Variants in RNF220 observed in about 807,000 individuals in gnomAD.
RNF220 encodes E3 ubiquitin-protein ligase RNF220.
In RNF220, 7 loss-of-function variants were observed where a neutral mutation model predicts 67.1. The observed-to-expected ratio is 0.10, with a 90% CI of 0.06 to 0.20. RNF220 has a LOEUF of 0.20. Among genes scored for constraint, RNF220 ranks in the 10% least tolerant of loss-of-function variants. The pLI is 1.00. For missense variants in RNF220, 565 were observed against 740.3 expected (o/e 0.76, Z 2.75); for synonymous variants, 270 against 283.2 (o/e 0.95, Z 0.47).
At chr1:44,604,501 C>T (rs1221462300) in intron 2 of RNF220, among the ~76,000 whole-genome samples, 1 of 152,242 alleles carries the variant, frequency 6.6e-6, no homozygotes, top group Non-Finnish European at 1.5e-5. Context: ...CCTGAAGCCC[C>T]GCCAGTCTCT....
At chr1:44,625,026 T>TGAGA (rs71665956) in intron 4 of RNF220, among the ~76,000 whole-genome samples, 2,632 of 147,432 alleles carry the variant, frequency 0.018, 39 homozygotes, top group South Asian at 0.052. Context: ...CTAGAGAGAA[T>TGAGA]GAGAGAGAGA....
chr1:44,512,701 A>T (rs1659109468), intron 2 of RNF220, among the ~76,000 whole-genome samples: 1 of 152,230 alleles, frequency 6.6e-6, no homozygotes, highest in South Asian at 2.1e-4. Flanking sequence ...TGGCTAAGTG[A>T]CGACGGAGGC....
chr1:44,430,021 TA>T (rs1204449850), intron 2 of RNF220, among the ~76,000 whole-genome samples: 3 of 148,394 alleles, frequency 2.0e-5, no homozygotes, highest in Non-Finnish European at 4.5e-5. Context: ...ACATAGTGGT[TA>T]AAAAAATGAG....
intron 2 of RNF220, among the ~76,000 whole-genome samples, chr1:44,490,530 G>T (rs72895533): frequency 0.071 from 10,739 of 150,678 alleles, 845 homozygotes; most frequent in African/African-American, 0.19. Flanking sequence ...AATAGAAATT[G>T]GTACCTTTAA....
At chr1:44,482,151 A>G (rs528771916) in intron 2 of RNF220, among the ~76,000 whole-genome samples, 3 of 152,358 alleles carry the variant, frequency 2.0e-5, no homozygotes, top group African/African-American at 7.2e-5. Flanking sequence ...AAAGTTTCTC[A>G]ACTTACAAGT....
chr1:44,428,424 A>G (rs1650017409), intron 2 of RNF220, among the ~76,000 whole-genome samples: 1 of 152,184 alleles, frequency 6.6e-6, no homozygotes, highest in Admixed American at 6.5e-5. Context: ...CAATTTTCTA[A>G]TAACTTACAT....
At chr1:44,564,176 G>C (rs955726045) in intron 2 of RNF220, among the ~76,000 whole-genome samples, 3 of 152,130 alleles carry the variant, frequency 2.0e-5, no homozygotes, top group Non-Finnish European at 4.4e-5. Context: ...GTTAAAAATA[G>C]CTATCAGAGA....
At chr1:44,599,241 GATAA>G (rs1340235024) in intron 2 of RNF220, among the ~76,000 whole-genome samples, 1 of 152,104 alleles carries the variant, frequency 6.6e-6, no homozygotes, top group Non-Finnish European at 1.5e-5. Flanking sequence ...AGACAAGACA[GATAA>G]ATAAATAATT....
intron 2 of RNF220, among the ~76,000 whole-genome samples, chr1:44,540,528 G>A (rs1661592380): frequency 6.6e-6 from 1 of 152,116 alleles, no homozygotes; most frequent in African/African-American, 2.4e-5. Flanking sequence ...AAAATTTTGT[G>A]TTGTTGCGTT....
intron 2 of RNF220, among the ~76,000 whole-genome samples, chr1:44,531,631 A>G (rs2148192167): frequency 6.6e-6 from 1 of 152,278 alleles, no homozygotes; most frequent in Non-Finnish European, 1.5e-5. Context: ...AAGATTTCTG[A>G]CTTTTCCCTT....
At chr1:44,615,112 A>G (rs1333131382) in intron 3 of RNF220, among the ~76,000 whole-genome samples, 2 of 152,074 alleles carry the variant, frequency 1.3e-5, no homozygotes, top group African/African-American at 4.8e-5. Context: ...CTGAGGCTGG[A>G]ATCAAAGCAC....
Position 44,637,327 on chromosome 1 carries a change from C to T in RNF220, c.1126+1165C>T, listed in dbSNP as rs138171034. Among the ~76,000 whole-genome samples the T allele has an allele frequency of 3.6e-3, 553 of 152,362 alleles. 5 individuals carry two copies. The highest frequency in any genetic ancestry group is 0.012 in the African/African-American group (489 of 41,580). Reference sequence around the variant, plus strand: ...ACATAAATCAGGAAGGTTAGTCAGACCAAACAGTCTCCCTGAGCCGGAGCT... The same window carrying T: ...ACATAAATCAGGAAGGTTAGTCAGATCAAACAGTCTCCCTGAGCCGGAGCT... On this transcript the variant is annotated intron_variant, in intron 8 of 14. Coordinates refer to ENST00000361799, the MANE Select transcript of RNF220 (RefSeq NM_018150.4).
intron 2 of RNF220, among the ~76,000 whole-genome samples, chr1:44,430,093 T>C (rs1650202766): frequency 6.6e-6 from 1 of 150,590 alleles, no homozygotes; most frequent in Non-Finnish European, 1.5e-5. Context: ...AAAAACCTCA[T>C]AGAAAAAAAG....
intron 2 of RNF220, among the ~76,000 whole-genome samples, chr1:44,474,024 G>T (rs4660806): frequency 0.12 from 18,191 of 151,746 alleles, 1,848 homozygotes; most frequent in African/African-American, 0.28. Flanking sequence ...CACAGATTCC[G>T]CATCCACAGA....
At chr1:44,525,119 A>G (rs1036545252) in intron 2 of RNF220, among the ~76,000 whole-genome samples, 2 of 152,104 alleles carry the variant, frequency 1.3e-5, no homozygotes, top group Non-Finnish European at 2.9e-5. Flanking sequence ...TCTGGAAAAG[A>G]AAAAAAATCT....
At chr1:44,484,024 T>C (rs550910939) in intron 2 of RNF220, among the ~76,000 whole-genome samples, 1 of 152,314 alleles carries the variant, frequency 6.6e-6, no homozygotes, top group East Asian at 1.9e-4. Flanking sequence ...AATAACTGTT[T>C]CCCAGCCTTG....
intron 2 of RNF220, among the ~76,000 whole-genome samples, chr1:44,594,671 T>C (rs1323441593): frequency 6.6e-6 from 1 of 152,152 alleles, no homozygotes; most frequent in African/African-American, 2.4e-5. Flanking sequence ...ACCAGGAAGG[T>C]TATCAGAGAG....
chr1:44,549,705 A>G (rs1283919671), intron 2 of RNF220, among the ~76,000 whole-genome samples: 2 of 152,104 alleles, frequency 1.3e-5, no homozygotes, highest in Non-Finnish European at 2.9e-5. Context: ...AGGGAAAACA[A>G]TGATCCTCCA....
intron 2 of RNF220, among the ~76,000 whole-genome samples, chr1:44,551,016 A>G (rs1485374283): frequency 6.6e-6 from 1 of 152,032 alleles, no homozygotes; most frequent in Non-Finnish European, 1.5e-5. Context: ...AGCAGAAACT[A>G]AAGTCATTGT....
Sources: allele counts gnomAD v4.1 joint callset (sites outside exome capture counted in the v4.1 genomes callset), GRCh38; gene constraint gnomAD v4.1.1; transcripts MANE v1.5; gene names NCBI Gene and HGNC (gene_info 2026-07-23, HGNC 2026-07-21).